The following ARL14EPL variants were observed in gnomAD, a reference collection of about 807,000 sequenced individuals.
ARL14EPL encodes ARL14 effector protein-like.
In ARL14EPL, 17 loss-of-function variants were observed where a neutral mutation model predicts 15.9. That is an observed-to-expected ratio of 1.07 (90% CI 0.73 to 1.60). The LOEUF (loss-of-function observed/expected upper bound fraction) is 1.60. Among genes scored for constraint, ARL14EPL ranks in the 40% most tolerant of loss-of-function variants. The pLI is 0.00. For missense variants in ARL14EPL, 214 were observed against 185.9 expected, an observed-to-expected ratio of 1.15 and a Z score of -0.88; for synonymous variants, 78 against 63.8, an observed-to-expected ratio of 1.22 and a Z score of -1.06.
intron 1 of ARL14EPL, among the ~76,000 whole-genome samples, chr5:116,050,402 A>C (rs1001393985): frequency 6.6e-6 from 1 of 152,198 alleles, no homozygotes; most frequent in Non-Finnish European, 1.5e-5. Context: ...AGCTGCATCC[A>C]TGTTGCTGCA....
At chr5:116,056,497 T>C (rs1472393764) in intron 3 of ARL14EPL, among the ~76,000 whole-genome samples, 1 of 152,208 alleles carries the variant, frequency 6.6e-6, no homozygotes, top group African/African-American at 2.4e-5. Flanking sequence ...TGGGGTTGTT[T>C]GTTTTTTTCT....
chr5:116,032,599 TGTTA>T (rs1423108952), intron 1 of ARL14EPL, 94 bp downstream of exon 1: 5 of 152,338 alleles, frequency 3.3e-5, no homozygotes, highest in Admixed American at 2.0e-4. Context: ...TCTATTTTAT[TGTTA>T]GTTACTGTTG....
Position 116,035,099 on chromosome 5 carries a change from T to C in ARL14EPL, c.-10+2594T>C, listed in dbSNP as rs576242667. On this transcript the variant is annotated intron_variant, in intron 1 of 3. Transcript: ENST00000686077. ...CCTTGGCAAGGCTCTGAATTCAACT[T>C]GCATTGTAATGATATATCCCGCAGA... Among the ~76,000 whole-genome samples, 7 of 152,326 alleles carry C rather than the reference T, an allele frequency of 4.6e-5. No homozygotes were observed. In the East Asian group the frequency reaches 1.3e-3, roughly 29 times the overall value.
chr5:116,047,669 C>T (rs1211713917), intron 1 of ARL14EPL, among the ~76,000 whole-genome samples: 2 of 152,192 alleles, frequency 1.3e-5, no homozygotes, highest in Non-Finnish European at 2.9e-5. Flanking sequence ...GTGTTCCTTC[C>T]TTCTGGGTAT....
chr5:116,049,232 T>A lies in ARL14EPL; in HGVS notation c.-9-2225T>A, dbSNP rs148325694. Among the ~76,000 whole-genome samples, 319 of 152,348 alleles carry A rather than the reference T, an allele frequency of 2.1e-3. 2 individuals carry two copies. Among genetic ancestry groups the A allele is most frequent in the African/African-American group, 7.4e-3 (307 of 41,576 alleles). ...CCTAGTATTTCCTTTAATAGCCTAA[T>A]GATAAGGTTCATCAGAGAGCTTATT... On this transcript the variant is annotated intron_variant, in intron 1 of 3. Transcript: ENST00000686077.
At chr5:116,056,847 A>G (rs893036556) in intron 3 of ARL14EPL, among the ~76,000 whole-genome samples, 11 of 152,078 alleles carry the variant, frequency 7.2e-5, no homozygotes, top group African/African-American at 1.9e-4. Flanking sequence ...AAGGGATCCA[A>G]TTTCAGCTTT....
At chr5:116,044,997 C>G (rs1206087917) in intron 1 of ARL14EPL, among the ~76,000 whole-genome samples, 1 of 152,104 alleles carries the variant, frequency 6.6e-6, no homozygotes, top group East Asian at 1.9e-4. Flanking sequence ...TGAGGCAACT[C>G]ACATGAAGAA....
At chr5:116,033,836 A>G (rs188233049) in intron 1 of ARL14EPL, among the ~76,000 whole-genome samples, 25 of 152,344 alleles carry the variant, frequency 1.6e-4, no homozygotes, top group African/African-American at 6.0e-4. Flanking sequence ...TATTTAAAAT[A>G]GAGTATATGT....
Position 116,054,240 on chromosome 5 carries a change from T to C in ARL14EPL, c.236+87T>C, listed in dbSNP as rs753256602. 4.1e-4 allele frequency: 536 copies of C among 1,300,540 alleles called. 1 individual carries two copies. The highest frequency in any genetic ancestry group is 5.0e-4 in the Non-Finnish European group (493 of 983,398). The allele number at this position is 1,300,540 out of a possible 1,614,324, so 80.6% of individuals were successfully genotyped here. A position where few individuals can be genotyped will look rare whatever the true frequency, so the allele number is the denominator to read the frequency against. The stretch of plus-strand genomic sequence containing the variant: ...CAAAGCAATGAAAGATTCCCTCTTT[T>C]TATTATTTATTATTTAAAAATATCT... On this transcript the variant is annotated intron_variant, in intron 3 of 3. Coordinates refer to ENST00000686077, the MANE Select transcript of ARL14EPL (RefSeq NM_001195581.2).
At chr5:116,044,554 A>G (rs1749229021) in intron 1 of ARL14EPL, among the ~76,000 whole-genome samples, 1 of 152,144 alleles carries the variant, frequency 6.6e-6, no homozygotes, top group Non-Finnish European at 1.5e-5. Context: ...ACACTGAAGT[A>G]CAAAATAGCA....
chr5:116,040,315 T>A (rs1056984658), intron 1 of ARL14EPL, among the ~76,000 whole-genome samples: 10 of 151,790 alleles, frequency 6.6e-5, no homozygotes, highest in African/African-American at 2.4e-4. Context: ...ATGGCTATAA[T>A]AGAAATTATA....
intron 1 of ARL14EPL, 49 bp from the exon 2 acceptor site, chr5:116,051,408 G>A: frequency 8.9e-7 from 1 of 1,127,466 alleles, no homozygotes; most frequent in Non-Finnish European, 1.3e-6. Flanking sequence ...TATAGTTACT[G>A]GAGATAGATG....
chr5:116,038,683 A>G (rs1299728814), intron 1 of ARL14EPL, among the ~76,000 whole-genome samples: 1 of 129,358 alleles, frequency 7.7e-6, no homozygotes, highest in Non-Finnish European at 1.6e-5. Context: ...TTAGGTTAGA[A>G]GTTGGCCTGG....
In ARL14EPL at chr5:116,059,015, T is replaced by C. The variant is rs1191019052; in HGVS notation, c.*68T>C. ...TTTAAGTTGACCTCTTTCTTTTGGG[T>C]GAATTTTAGGGCTTGGGGGAAATAT... On this transcript the variant is annotated 3_prime_UTR_variant, in exon 4 of 4. Coordinates refer to ENST00000686077, the MANE Select transcript of ARL14EPL (RefSeq NM_001195581.2). The C allele has an allele frequency of 4.2e-6, 6 of 1,434,734 alleles. No homozygotes were observed. The highest frequency in any genetic ancestry group is 5.7e-6 in the Non-Finnish European group (6 of 1,058,278). 88.9% of individuals were successfully genotyped at this position (1,434,734 alleles called of 1,614,324 possible).
At chr5:116,057,485 G>A (rs979478090) in intron 3 of ARL14EPL, among the ~76,000 whole-genome samples, 1 of 151,440 alleles carries the variant, frequency 6.6e-6, no homozygotes, top group Non-Finnish European at 1.5e-5. Context: ...GAATATTTGA[G>A]TTAAGGCAAA....
At chr5:116,042,975 G>A (rs143797875) in intron 1 of ARL14EPL, among the ~76,000 whole-genome samples, 6 of 151,820 alleles carry the variant, frequency 4.0e-5, no homozygotes, top group South Asian at 2.1e-4. Context: ...TTACAGCTGC[G>A]TAGTACTACA....
rs756510873 is a variant in ARL14EPL at position 116,054,114 on chromosome 5, G to A, written c.197G>A (p.Arg66Gln). 186 of 1,535,388 alleles carry A rather than the reference G, an allele frequency of 1.2e-4. No homozygotes were observed. Among genetic ancestry groups the A allele is most frequent in the Non-Finnish European group, 1.4e-4 (166 of 1,146,602 alleles). The change falls in exon 3 of 4, where the codon CGG (arginine) becomes CAG (glutamine). Residue 66 changes from arginine to glutamine, a missense_variant. Transcript: ENST00000686077. ...PETRQQKKKA[R>Q]MSKMNEYFST... Reference sequence around the variant, plus strand: ...ACAAGGCAGCAGAAAAAGAAAGCCCGGATGTCAAAGATGAATGAATATTTT... The same window carrying A: ...ACAAGGCAGCAGAAAAAGAAAGCCCAGATGTCAAAGATGAATGAATATTTT...
chr5:116,036,516 G>T (rs1157786797), intron 1 of ARL14EPL, among the ~76,000 whole-genome samples: 2 of 152,148 alleles, frequency 1.3e-5, no homozygotes, highest in Non-Finnish European at 2.9e-5. Flanking sequence ...CATCTACTTT[G>T]CAAACATTAT....
At chr5:116,046,858 A>G (rs1053370071) in intron 1 of ARL14EPL, among the ~76,000 whole-genome samples, 2 of 152,186 alleles carry the variant, frequency 1.3e-5, no homozygotes, top group African/African-American at 4.8e-5. Flanking sequence ...CTATATTTAG[A>G]GATAGGGTCT....
Sources: allele counts gnomAD v4.1 joint callset (sites outside exome capture counted in the v4.1 genomes callset), GRCh38; gene constraint gnomAD v4.1.1; transcripts MANE v1.5; gene names NCBI Gene and HGNC (gene_info 2026-07-23, HGNC 2026-07-21).